Variants in EFCAB13 observed in about 807,000 individuals in gnomAD.
EFCAB13 encodes EF-hand calcium binding domain 13.
A neutral mutation model predicts 110.2 loss-of-function variants in EFCAB13; 91 were observed. The observed-to-expected ratio is 0.83, with a 90% CI of 0.70 to 0.98. The LOEUF is 0.98. Among genes scored for constraint, EFCAB13 ranks in the 50% least tolerant of loss-of-function variants. The pLI is 0.00. For synonymous variants in EFCAB13, 323 were observed against 369.9 expected (o/e 0.87, Z 1.45); for missense variants, 968 against 1,119.4 (o/e 0.86, Z 1.93).
chr17:47,432,402 A>ATAAATAAG (rs1885896523), intron 24 of EFCAB13, among the ~76,000 whole-genome samples: 1 of 123,330 alleles, frequency 8.1e-6, no homozygotes, highest in Admixed American at 8.7e-5. Context: ...CATCTCAAAA[A>ATAAATAAG]TAAATAAATA....
intron 24 of EFCAB13, among the ~76,000 whole-genome samples, chr17:47,436,174 C>G (rs1905210131): frequency 6.6e-6 from 1 of 152,108 alleles, no homozygotes; most frequent in South Asian, 2.1e-4. Context: ...ATTCGGTTAG[C>G]TAGTATTTTG....
At chr17:47,423,559 T>C in intron 23 of EFCAB13, 1 of 311,164 alleles carries the variant, frequency 3.2e-6, no homozygotes, top group Non-Finnish European at 5.9e-6. Flanking sequence ...CGGTGCCGGC[T>C]GCCGAGGGAA....
At chr17:47,346,484 T>C (rs541338795) in intron 8 of EFCAB13, among the ~76,000 whole-genome samples, 1 of 133,480 alleles carries the variant, frequency 7.5e-6, no homozygotes, top group South Asian at 2.6e-4. Context: ...GATATTTAGA[T>C]TGTTTTCCAT....
intron 23 of EFCAB13, among the ~76,000 whole-genome samples, chr17:47,420,179 A>C (rs1191077849): frequency 2.6e-5 from 4 of 152,320 alleles, no homozygotes; most frequent in East Asian, 1.9e-4. Flanking sequence ...CCAGCTCCTA[A>C]CGTGAGTGAT....
chr17:47,356,255 T>C (rs1217373992), intron 9 of EFCAB13, among the ~76,000 whole-genome samples: 1 of 152,198 alleles, frequency 6.6e-6, no homozygotes, highest in Non-Finnish European at 1.5e-5. Context: ...CTTCTGGAGA[T>C]GTAAAAGAAC....
At chr17:47,404,282 T>C (rs1289754230) in intron 19 of EFCAB13, among the ~76,000 whole-genome samples, 1 of 152,150 alleles carries the variant, frequency 6.6e-6, no homozygotes, top group Non-Finnish European at 1.5e-5. Flanking sequence ...TCAAGTTCTG[T>C]GAATAGAAAT....
At chr17:47,427,534 T>G (rs961115483) in intron 23 of EFCAB13, among the ~76,000 whole-genome samples, 1 of 152,070 alleles carries the variant, frequency 6.6e-6, no homozygotes, top group Non-Finnish European at 1.5e-5. Flanking sequence ...GAAGAGAACC[T>G]TAATGCTCCA....
At chr17:47,371,604 T>A (rs1374733270) in intron 11 of EFCAB13, among the ~76,000 whole-genome samples, 2 of 152,106 alleles carry the variant, frequency 1.3e-5, no homozygotes, top group East Asian at 3.9e-4. Context: ...TTTATTCTGT[T>A]CCATTGCTCT....
At chr17:47,430,863 C>T (rs1905102467) in intron 24 of EFCAB13, among the ~76,000 whole-genome samples, 2 of 151,958 alleles carry the variant, frequency 1.3e-5, no homozygotes, top group Middle Eastern at 3.4e-3. Flanking sequence ...AAATTTATTT[C>T]CTCTTTATTA....
chr17:47,403,828 T>C, intron 18 of EFCAB13, 50 bp from the exon 19 acceptor site: 2 of 1,518,516 alleles, frequency 1.3e-6, no homozygotes, highest in Non-Finnish European at 1.8e-6. Context: ...AACAAATGTC[T>C]TGAGTGATGG....
intron 6 of EFCAB13, among the ~76,000 whole-genome samples, chr17:47,343,636 A>G (rs80111650): frequency 0.023 from 3,444 of 152,226 alleles, 108 homozygotes; most frequent in East Asian, 0.18. Flanking sequence ...CTGTAATTAG[A>G]ATTCTTATTT....
intron 14 of EFCAB13, among the ~76,000 whole-genome samples, chr17:47,384,470 T>C (rs1378678530): frequency 6.6e-6 from 1 of 151,896 alleles, no homozygotes; most frequent in Non-Finnish European, 1.5e-5. Flanking sequence ...GTTTTTCTTA[T>C]ATTAAGAAAG....
At chr17:47,385,727 C>T (rs1221620088) in intron 14 of EFCAB13, among the ~76,000 whole-genome samples, 1 of 152,040 alleles carries the variant, frequency 6.6e-6, no homozygotes, top group Non-Finnish European at 1.5e-5. Flanking sequence ...AAGAGGCATT[C>T]TGGTTTTTGG....
intron 15 of EFCAB13, 148 bp downstream of exon 15, chr17:47,391,728 C>T (rs2065709115): frequency 1.6e-6 from 1 of 630,852 alleles, no homozygotes; most frequent in East Asian, 3.9e-5. Context: ...CTCAAAAGTA[C>T]AAGAAAACAC....
intron 12 of EFCAB13, 32 bp from the exon 13 acceptor site, chr17:47,377,734 G>C (rs1255005238): frequency 2.0e-6 from 3 of 1,517,944 alleles, no homozygotes; most frequent in Admixed American, 2.4e-5. Context: ...AAATTCTGTT[G>C]CCTAATAGTT....
intron 13 of EFCAB13, 37 bp from the exon 14 acceptor site, chr17:47,379,145 C>A: frequency 6.5e-7 from 1 of 1,527,628 alleles, no homozygotes; most frequent in Non-Finnish European, 9.0e-7. Context: ...TGCAAAAATA[C>A]ACCAGAATGT....
chr17:47,356,662 T>A (rs2065482377), intron 9 of EFCAB13, among the ~76,000 whole-genome samples: 1 of 152,074 alleles, frequency 6.6e-6, no homozygotes, highest in South Asian at 2.1e-4. Context: ...GGTCCTTGGT[T>A]GTATTTTTGT....
At chr17:47,408,039 GTATT>G (rs1199945175) in intron 20 of EFCAB13, among the ~76,000 whole-genome samples, 1 of 152,092 alleles carries the variant, frequency 6.6e-6, no homozygotes, top group African/African-American at 2.4e-5. Flanking sequence ...TGATCTCAGA[GTATT>G]TATATATTTG....
chr17:47,351,302 T>TGTGTGTGTGTGTGTGTGC (rs1555578752), intron 9 of EFCAB13, among the ~76,000 whole-genome samples: 1 of 101,580 alleles, frequency 9.8e-6, no homozygotes, highest in Non-Finnish European at 2.4e-5. Context: ...TGTGTGTGTG[T>TGTGTGTGTGTGTGTGTGC]GTGCGCGCGC....
Sources: gnomAD v4.1 joint callset for allele counts (sites outside exome capture counted in the v4.1 genomes callset) on GRCh38, gnomAD v4.1.1 for gene constraint, MANE v1.5 for transcripts, NCBI Gene and HGNC (gene_info 2026-07-23, HGNC 2026-07-21) for gene names.